The following SGCZ variants were observed in gnomAD, a reference collection of about 807,000 sequenced individuals.
SGCZ encodes the protein sarcoglycan zeta.
Under a neutral mutation model 41.3 loss-of-function variants are expected in SGCZ, and 40 were observed. The observed-to-expected ratio is 0.97, with a 90% CI of 0.75 to 1.26. The LOEUF (loss-of-function observed/expected upper bound fraction) is 1.26. Among genes scored for constraint, SGCZ ranks in the 50% most tolerant of loss-of-function variants. The probability of loss-of-function intolerance (pLI) is 0.00; values close to 1 mark genes in which losing one functional copy is unlikely to be tolerated. For synonymous variants in SGCZ, 206 were observed against 137.5 expected (o/e 1.50, Z -3.49); for missense variants, 552 against 369.8 (o/e 1.49, Z -4.04).
At chr8:14,740,509 G>C (rs1799170599) in intron 1 of SGCZ, among the ~76,000 whole-genome samples, 1 of 152,006 alleles carries the variant, frequency 6.6e-6, no homozygotes, top group African/African-American at 2.4e-5. Context: ...CATTTGGTAA[G>C]TTGGCAAAAT....
chr8:14,178,386 T>G (rs1218408868), intron 4 of SGCZ, among the ~76,000 whole-genome samples: 1 of 152,346 alleles, frequency 6.6e-6, no homozygotes, highest in Admixed American at 6.5e-5. Flanking sequence ...TTACTCAAAA[T>G]TTTGGTCCAT....
At chr8:14,326,227 G>A (rs1802109276) in intron 2 of SGCZ, among the ~76,000 whole-genome samples, 2 of 151,400 alleles carry the variant, frequency 1.3e-5, no homozygotes, top group East Asian at 3.9e-4. Context: ...ATTCTTGGAT[G>A]ATGTCAATGG....
intron 1 of SGCZ, among the ~76,000 whole-genome samples, chr8:14,862,486 A>G (rs1359512220): frequency 8.1e-5 from 12 of 148,294 alleles, no homozygotes; most frequent in Non-Finnish European, 1.8e-4. Flanking sequence ...ACAAGAAATG[A>G]GACCAAATTT....
intron 1 of SGCZ, among the ~76,000 whole-genome samples, chr8:14,591,182 C>T (rs1805228505): frequency 6.6e-6 from 1 of 151,658 alleles, no homozygotes; most frequent in Non-Finnish European, 1.5e-5. Context: ...GAAAGGATTA[C>T]AATCATTTAA....
intron 1 of SGCZ, among the ~76,000 whole-genome samples, chr8:14,937,918 A>G (rs931206588): frequency 6.6e-6 from 1 of 152,136 alleles, no homozygotes; most frequent in African/African-American, 2.4e-5. Flanking sequence ...GACATTGGAT[A>G]TAATATAATC....
chr8:14,115,358 A>G, intron 5 of SGCZ, among the ~76,000 whole-genome samples: 1 of 152,160 alleles, frequency 6.6e-6, no homozygotes, highest in Admixed American at 6.5e-5. Flanking sequence ...TATAAACATT[A>G]TAATTTTAAC....
chr8:14,149,377 G>A (rs1435059369), intron 5 of SGCZ, among the ~76,000 whole-genome samples: 1 of 151,984 alleles, frequency 6.6e-6, no homozygotes, highest in Non-Finnish European at 1.5e-5. Flanking sequence ...ATTTCTATAT[G>A]CCAACAGTGA....
chr8:15,075,533 T>C (rs1180600907), intron 1 of SGCZ, among the ~76,000 whole-genome samples: 1 of 151,982 alleles, frequency 6.6e-6, no homozygotes, highest in African/African-American at 2.4e-5. Flanking sequence ...TTTTAGCAAA[T>C]GAAACAGTTG....
At chr8:14,355,795 A>G (rs367882093) in intron 2 of SGCZ, among the ~76,000 whole-genome samples, 1 of 152,224 alleles carries the variant, frequency 6.6e-6, no homozygotes, top group East Asian at 1.9e-4. Flanking sequence ...GGAAATAGGC[A>G]TATTAAATAC....
chr8:15,205,811 A>T (rs1801041329), intron 1 of SGCZ, among the ~76,000 whole-genome samples: 1 of 152,214 alleles, frequency 6.6e-6, no homozygotes, highest in Admixed American at 6.5e-5. Context: ...ACACATGCAC[A>T]CAAATGTTCA....
intron 7 of SGCZ, among the ~76,000 whole-genome samples, chr8:14,095,119 CTTTAG>C (rs1167775572): frequency 1.3e-5 from 2 of 152,132 alleles, no homozygotes; most frequent in African/African-American, 4.8e-5. Context: ...TGAAGAAGCT[CTTTAG>C]TTTAATTAGA....
chr8:14,957,389 T>G (rs1563390553), intron 1 of SGCZ, among the ~76,000 whole-genome samples: 1 of 152,070 alleles, frequency 6.6e-6, no homozygotes, highest in African/African-American at 2.4e-5. Flanking sequence ...TCTACCTTTT[T>G]TAGATGTATT....
intron 1 of SGCZ, among the ~76,000 whole-genome samples, chr8:15,070,427 G>A (rs764030174): frequency 4.6e-5 from 7 of 152,038 alleles, no homozygotes; most frequent in East Asian, 3.9e-4. Flanking sequence ...AGCATTTTCC[G>A]TAACAGCAAA....
intron 1 of SGCZ, among the ~76,000 whole-genome samples, chr8:14,716,480 G>T (rs957020865): frequency 6.6e-6 from 1 of 152,022 alleles, no homozygotes; most frequent in Non-Finnish European, 1.5e-5. Flanking sequence ...TGGGGGACCT[G>T]CAAAACCGAG....
chr8:14,106,265 A>G (rs1281659934), intron 6 of SGCZ, among the ~76,000 whole-genome samples: 1 of 152,348 alleles, frequency 6.6e-6, no homozygotes, highest in Non-Finnish European at 1.5e-5. Context: ...GAGAAGAAAG[A>G]TACAATAAAT....
intron 3 of SGCZ, among the ~76,000 whole-genome samples, chr8:14,310,416 G>T (rs1801495907): frequency 6.6e-6 from 1 of 152,052 alleles, no homozygotes; most frequent in African/African-American, 2.4e-5. Flanking sequence ...CTATGTTTGT[G>T]TGATTTCCTA....
chr8:14,769,881 C>T (rs1800178991), intron 1 of SGCZ, among the ~76,000 whole-genome samples: 1 of 140,968 alleles, frequency 7.1e-6, no homozygotes, highest in Non-Finnish European at 1.5e-5. Flanking sequence ...TTTATTTCTA[C>T]AAGGTGCAAC....
chr8:14,236,983 T>C (rs76137354), intron 4 of SGCZ, among the ~76,000 whole-genome samples: 6,360 of 152,096 alleles, frequency 0.042, 173 homozygotes, highest in African/African-American at 0.076. Context: ...ACATCAAATA[T>C]AGAAGTAATT....
intron 1 of SGCZ, among the ~76,000 whole-genome samples, chr8:15,182,897 C>G (rs922793562): frequency 6.6e-6 from 1 of 152,130 alleles, no homozygotes; most frequent in African/African-American, 2.4e-5. Context: ...TATTTTCTTT[C>G]TTTATATCTT....
Sources: allele counts gnomAD v4.1 joint callset (sites outside exome capture counted in the v4.1 genomes callset), GRCh38; gene constraint gnomAD v4.1.1; transcripts MANE v1.5; gene names NCBI Gene and HGNC (gene_info 2026-07-23, HGNC 2026-07-21).